The following POU2F1 variants were observed in gnomAD, a reference collection of about 807,000 sequenced individuals.
The protein encoded by POU2F1 is POU class 2 homeobox 1, also known as POU domain, class 2, transcription factor 1.
POU2F1 carries 16 observed loss-of-function variants against 84.9 expected under a neutral mutation model. The ratio of observed to expected loss-of-function variants is 0.19; its 90% CI spans 0.13 to 0.29. The LOEUF is 0.29. Ranked by LOEUF, POU2F1 falls within the 10% of genes least tolerant of loss-of-function variation. The pLI is 1.00. For synonymous variants in POU2F1, 368 were observed against 368.3 expected (o/e 1.00, Z 0.01); for missense variants, 738 against 942.6 (o/e 0.78, Z 2.84).
intron 2 of POU2F1, among the ~76,000 whole-genome samples, chr1:167,362,893 G>A (rs1312436119): frequency 6.6e-6 from 1 of 152,156 alleles, no homozygotes; most frequent in African/African-American, 2.4e-5. Context: ...TCAAAGACAT[G>A]CTCCTGACTG....
intron 1 of POU2F1, among the ~76,000 whole-genome samples, chr1:167,241,245 G>C (rs965182289): frequency 6.6e-6 from 1 of 152,130 alleles, no homozygotes; most frequent in African/African-American, 2.4e-5. Flanking sequence ...CCAGTGTAAA[G>C]CAATAACCTT....
intron 1 of POU2F1, among the ~76,000 whole-genome samples, chr1:167,234,080 CA>C (rs1649274356): frequency 6.6e-6 from 1 of 152,196 alleles, no homozygotes; most frequent in Admixed American, 6.5e-5. Flanking sequence ...AGATCATTAT[CA>C]GGCTCTTACC....
intron 1 of POU2F1, among the ~76,000 whole-genome samples, chr1:167,229,379 G>A (rs1393155568): frequency 6.6e-6 from 1 of 151,974 alleles, no homozygotes; most frequent in Non-Finnish European, 1.5e-5. Flanking sequence ...GACATGTTTG[G>A]GTGGGTCTTA....
intron 2 of POU2F1, chr1:167,357,368 ACCCCCCCCCC>A (rs1659021696): frequency 7.2e-5 from 2 of 27,820 alleles, no homozygotes; most frequent in East Asian, 6.8e-3. Context: ...CTCCCCCCCC[ACCCCCCCCCC>A]ACCCCCCCCC....
chr1:167,383,924 G>A lies in POU2F1; in HGVS notation c.786G>A (p.Ser262=), dbSNP rs149991945. 82 of 1,613,230 alleles carry A rather than the reference G, an allele frequency of 5.1e-5. No homozygotes were observed. The East Asian group carries it at 5.8e-4, about 11-fold the overall frequency. The part of the protein sequence containing the change: ...PQQSQANLLQ[S]QPSITLTSQP... The stretch of plus-strand genomic sequence containing the variant: ...AAAGCCAAGCCAACCTCCTACAGTC[G>A]CAGCCAAGCATCACCCTCACCTCCC... The change falls in exon 8 of 16, where the codon TCG becomes TCA. Residue 262 remains serine, a synonymous_variant. Transcript: ENST00000367866.
chr1:167,248,061 C>T (rs1432632788), intron 1 of POU2F1, among the ~76,000 whole-genome samples: 1 of 152,138 alleles, frequency 6.6e-6, no homozygotes, highest in Non-Finnish European at 1.5e-5. Flanking sequence ...GCAGTTTACT[C>T]CTTTTAACCT....
At chr1:167,228,203 T>C (rs563715109) in intron 1 of POU2F1, among the ~76,000 whole-genome samples, 1 of 152,152 alleles carries the variant, frequency 6.6e-6, no homozygotes, top group Non-Finnish European at 1.5e-5. Context: ...GAGGAAGCAT[T>C]TGTTCTATCT....
intron 13 of POU2F1, among the ~76,000 whole-genome samples, chr1:167,409,059 TC>T (rs1200485210): frequency 6.6e-6 from 1 of 152,244 alleles, no homozygotes; most frequent in Non-Finnish European, 1.5e-5. Flanking sequence ...ATTTTTCTTT[TC>T]TTTTATGGAT....
intron 1 of POU2F1, among the ~76,000 whole-genome samples, chr1:167,305,822 C>T (rs927388576): frequency 6.6e-5 from 10 of 152,180 alleles, no homozygotes; most frequent in African/African-American, 2.2e-4. Context: ...AAGTTGATTA[C>T]CCTAAGTACA....
chr1:167,346,315 G>A (rs964150862), intron 2 of POU2F1, among the ~76,000 whole-genome samples: 3 of 152,174 alleles, frequency 2.0e-5, no homozygotes, highest in African/African-American at 4.8e-5. Context: ...CTAAGGTGAT[G>A]TATAAAAGTA....
chr1:167,372,643 A>G (rs1387164279), intron 5 of POU2F1, among the ~76,000 whole-genome samples: 4 of 152,236 alleles, frequency 2.6e-5, no homozygotes, highest in African/African-American at 4.8e-5. Context: ...GGTGCTTGGC[A>G]TGTAGCATTC....
At chr1:167,413,162 A>AGTGTGTGTGTGT in intron 15 of POU2F1, 48 bp downstream of exon 15, 3 of 1,030,622 alleles carry the variant, frequency 2.9e-6, no homozygotes, top group South Asian at 2.8e-5. Flanking sequence ...CGTGTGTGTG[A>AGTGTGTGTGTGT]GTGTGTGTGT....
At chr1:167,265,347 T>C (rs948662416) in intron 1 of POU2F1, among the ~76,000 whole-genome samples, 3 of 152,208 alleles carry the variant, frequency 2.0e-5, no homozygotes, top group Non-Finnish European at 4.4e-5. Context: ...ATAAGATAAC[T>C]TAAGTTTTTG....
intron 2 of POU2F1, among the ~76,000 whole-genome samples, chr1:167,344,851 G>C (rs1036147254): frequency 6.6e-6 from 1 of 152,150 alleles, no homozygotes; most frequent in Non-Finnish European, 1.5e-5. Context: ...TGTAGGAGGG[G>C]AGTGGCAAAG....
chr1:167,364,844 C>T (rs1659579415), intron 2 of POU2F1, among the ~76,000 whole-genome samples: 2 of 152,024 alleles, frequency 1.3e-5, no homozygotes, highest in African/African-American at 4.8e-5. Flanking sequence ...GCTGGGTTTA[C>T]AGGCATAAGC....
chr1:167,354,000 T>C (rs1433805937), intron 2 of POU2F1, among the ~76,000 whole-genome samples: 2 of 152,260 alleles, frequency 1.3e-5, no homozygotes, highest in Admixed American at 6.5e-5. Flanking sequence ...TTTGCCTGTT[T>C]CCATAATGAA....
At chr1:167,357,666 A>C (rs1183308701) in intron 2 of POU2F1, 1 of 152,106 alleles carries the variant, frequency 6.6e-6, no homozygotes, top group Non-Finnish European at 1.5e-5. Flanking sequence ...GGTGTGAGCC[A>C]GCACACCCAG....
chr1:167,368,358 G>A (rs1338590534), intron 3 of POU2F1, among the ~76,000 whole-genome samples: 3 of 151,194 alleles, frequency 2.0e-5, no homozygotes, highest in Admixed American at 6.6e-5. Context: ...TTCAGAAGCC[G>A]TATCATATTG....
chr1:167,231,406 G>A (rs1419667318), intron 1 of POU2F1, among the ~76,000 whole-genome samples: 1 of 152,174 alleles, frequency 6.6e-6, no homozygotes, highest in Non-Finnish European at 1.5e-5. Flanking sequence ...TAAATTGTAT[G>A]CAGTAGGTAG....
Sources: gnomAD v4.1 joint callset for allele counts (sites outside exome capture counted in the v4.1 genomes callset) on GRCh38, gnomAD v4.1.1 for gene constraint, MANE v1.5 for transcripts, NCBI Gene and HGNC (gene_info 2026-07-23, HGNC 2026-07-21) for gene names.